The following TRPC5 variants were observed in gnomAD, a reference collection of about 807,000 sequenced individuals.
TRPC5 encodes the protein short transient receptor potential channel 5.
TRPC5 carries 9 observed loss-of-function variants against 56.5 expected under a neutral mutation model. The observed-to-expected ratio is 0.16, with a 90% CI of 0.10 to 0.28. The LOEUF (loss-of-function observed/expected upper bound fraction) is 0.28. Ranked by LOEUF, TRPC5 falls within the 10% of genes least tolerant of loss-of-function variation. TRPC5 has a pLI of 1.00. For synonymous variants in TRPC5, 282 were observed against 278.5 expected, an observed-to-expected ratio of 1.01 and a Z score of -0.13; for missense variants, 469 against 748.9, an observed-to-expected ratio of 0.63 and a Z score of 4.36.
chrX:111,897,236 T>G (rs1377046136), intron 3 of TRPC5, among the ~76,000 whole-genome samples: 1 of 111,516 alleles, frequency 9.0e-6, no homozygotes, highest in African/African-American at 3.3e-5. Context: ...ATACTCAACC[T>G]GTAATATAAG....
At chrX:111,780,651 A>G (rs745727208) in intron 9 of TRPC5, among the ~76,000 whole-genome samples, 2 of 110,935 alleles carry the variant, frequency 1.8e-5, no homozygotes, top group African/African-American at 3.3e-5. Context: ...CATGAATACT[A>G]TATTTTCTAT....
At chrX:112,000,913 T>G (rs935315116) in intron 1 of TRPC5, among the ~76,000 whole-genome samples, 1 of 112,164 alleles carries the variant, frequency 8.9e-6, no homozygotes, top group Non-Finnish European at 1.9e-5. Flanking sequence ...TGATAAATTC[T>G]GCCCTTTTGA....
intron 1 of TRPC5, among the ~76,000 whole-genome samples, chrX:112,040,937 C>T (rs927523705): frequency 4.5e-5 from 5 of 112,083 alleles, no homozygotes; most frequent in African/African-American, 1.6e-4. Flanking sequence ...ACAACATTAT[C>T]ACATTTGCTG....
At chrX:112,042,925 A>T (rs1179740487) in intron 1 of TRPC5, among the ~76,000 whole-genome samples, 1 of 110,915 alleles carries the variant, frequency 9.0e-6, no homozygotes, top group Non-Finnish European at 1.9e-5. Flanking sequence ...TTCCTGAACT[A>T]TTCTTGCCTC....
intron 1 of TRPC5, among the ~76,000 whole-genome samples, chrX:112,011,673 A>T (rs767522701): frequency 2.0e-4 from 22 of 111,357 alleles, no homozygotes; most frequent in Admixed American, 5.7e-4. Context: ...GAGTGGGGTC[A>T]GGTGGGTGGC....
In TRPC5 at chrX:111,776,035, C is replaced by T. The variant is rs1945874944; in HGVS notation, c.*278G>A. ...AGAAAAGCAAAGCAAAAAGGTTAAG[C>T]ACCCAACTGCACCTCTGATGATTAG... On this transcript the variant is annotated 3_prime_UTR_variant, in exon 11 of 11. Transcript: ENST00000262839. 1 of 244,439 alleles carries T rather than the reference C, an allele frequency of 4.1e-6. No homozygotes were observed. The allele number at this position is 244,439 out of a possible 1,213,427, so 20.1% of individuals were successfully genotyped here.
Position 111,952,391 on chromosome X carries a change from G to A in TRPC5, c.30C>T (p.Asn10=), listed in dbSNP as rs373664242. The A allele has an allele frequency of 5.0e-6, 6 of 1,206,501 alleles. No homozygotes were observed. The African/African-American group carries it at 7.0e-5, about 14-fold the overall frequency. MAQLYYKKV[N]YSPYRDRIPL... Reference sequence around the variant, plus strand: ...GGATGCGGTCTCTGTACGGTGAGTAGTTGACCTTTTTGTAGTACAGTTGGG... The same window carrying A: ...GGATGCGGTCTCTGTACGGTGAGTAATTGACCTTTTTGTAGTACAGTTGGG... Residue 10 remains asparagine, a synonymous_variant, in exon 2 of 11, where the codon AAC becomes AAT. Coordinates refer to ENST00000262839, the MANE Select transcript of TRPC5 (RefSeq NM_012471.3).
At chrX:111,782,841 A>ACACACACACACACACAC (rs55909429) in intron 7 of TRPC5, among the ~76,000 whole-genome samples, 2 of 108,910 alleles carry the variant, frequency 1.8e-5, no homozygotes, top group African/African-American at 6.7e-5. Flanking sequence ...ACACACACAC[A>ACACACACACACACACAC]TCAGTGTACA....
Position 111,926,065 on chromosome X carries a change from A to G in TRPC5, c.379-13253T>C, listed in dbSNP as rs185092816. On this transcript the variant is annotated intron_variant, in intron 2 of 10. Transcript: ENST00000262839. ...TGGACATTGCCAAATGTCTCCTGGGAGCACTATGGCCCTGGTTGGGTTCTG... is the reference window on the plus strand; with the variant it reads ...TGGACATTGCCAAATGTCTCCTGGGGGCACTATGGCCCTGGTTGGGTTCTG... Among the ~76,000 whole-genome samples, 556 of 112,219 alleles carry G rather than the reference A, an allele frequency of 5.0e-3. 5 individuals carry two copies. Among genetic ancestry groups the G allele is most frequent in the African/African-American group, 0.017 (530 of 30,919 alleles).
In TRPC5 at chrX:111,774,573, A is replaced by T. The variant is rs1329787738; in HGVS notation, c.*1740T>A. On this transcript the variant is annotated 3_prime_UTR_variant, in exon 11 of 11. Coordinates refer to ENST00000262839, the MANE Select transcript of TRPC5 (RefSeq NM_012471.3). ...GGTCTTGATGCAGCTTTTTCACTTG[A>T]TCACTTTTTCCTGGATATGAGGCTT... 9.0e-6 allele frequency: 1 copy of T among 110,994 alleles called. No homozygotes were observed. Among genetic ancestry groups the T allele is most frequent in the Non-Finnish European group, 1.9e-5 (1 of 52,961 alleles). The allele number at this position is 110,994 out of a possible 1,213,427, so 9.1% of individuals were successfully genotyped here. A position where few individuals can be genotyped will look rare whatever the true frequency, so the allele number is the denominator to read the frequency against.
intron 1 of TRPC5, among the ~76,000 whole-genome samples, chrX:111,999,060 A>G (rs752672391): frequency 9.0e-6 from 1 of 111,361 alleles, no homozygotes; most frequent in African/African-American, 3.3e-5. Context: ...CCCCACATAC[A>G]TTAGGTATTT....
At chrX:111,942,995 A>T (rs753682795) in intron 2 of TRPC5, among the ~76,000 whole-genome samples, 5 of 111,760 alleles carry the variant, frequency 4.5e-5, no homozygotes, top group South Asian at 3.8e-4. Context: ...CATGGCTTCA[A>T]CTAGTAGGAG....
chrX:111,775,505 T>C lies in TRPC5; in HGVS notation c.*808A>G, dbSNP rs1170554110. 4.5e-5 allele frequency: 5 copies of C among 112,150 alleles called. No homozygotes were observed. Among genetic ancestry groups the C allele is most frequent in the Non-Finnish European group, 1.9e-5 (1 of 53,286 alleles). The allele number at this position is 112,150 out of a possible 1,213,427, so 9.2% of individuals were successfully genotyped here. A position where few individuals can be genotyped will look rare whatever the true frequency, so the allele number is the denominator to read the frequency against. On this transcript the variant is annotated 3_prime_UTR_variant, in exon 11 of 11. Transcript: ENST00000262839. ...TTGGTTAGAGTGTAGTAGATGTTTTTAAAAAATAGCACAAATTCTAAATAC... is the reference window on the plus strand; with the variant it reads ...TTGGTTAGAGTGTAGTAGATGTTTTCAAAAAATAGCACAAATTCTAAATAC...
intron 3 of TRPC5, among the ~76,000 whole-genome samples, chrX:111,911,941 T>C (rs1425168381): frequency 8.9e-6 from 1 of 111,846 alleles, no homozygotes; most frequent in African/African-American, 3.2e-5. Context: ...TAGGTAATTA[T>C]GTATTCATTA....
intron 1 of TRPC5, among the ~76,000 whole-genome samples, chrX:111,967,108 A>G (rs1280297384): frequency 1.4e-4 from 16 of 111,788 alleles, no homozygotes; most frequent in South Asian, 1.1e-3. Flanking sequence ...ATCTCCTTAC[A>G]CTGATAAGCA....
intron 7 of TRPC5, among the ~76,000 whole-genome samples, chrX:111,791,332 A>G (rs1343521065): frequency 9.0e-6 from 1 of 111,716 alleles, no homozygotes; most frequent in East Asian, 2.8e-4. Flanking sequence ...CAGAGGAGAC[A>G]TGGAAGCAAA....
intron 3 of TRPC5, among the ~76,000 whole-genome samples, chrX:111,861,050 C>CA (rs1923391751): frequency 1.8e-5 from 2 of 111,872 alleles, no homozygotes; most frequent in African/African-American, 6.5e-5. Flanking sequence ...AAACCAAAAA[C>CA]CATTTATTAG....
intron 1 of TRPC5, among the ~76,000 whole-genome samples, chrX:112,061,673 T>C (rs778237390): frequency 8.9e-6 from 1 of 111,744 alleles, no homozygotes; most frequent in Admixed American, 9.5e-5. Flanking sequence ...TACACTTGTT[T>C]ACACACACAC....
intron 2 of TRPC5, among the ~76,000 whole-genome samples, chrX:111,927,139 T>C (rs991816140): frequency 5.4e-5 from 6 of 112,103 alleles, no homozygotes; most frequent in African/African-American, 1.6e-4. Flanking sequence ...TGATTTTTCA[T>C]TGTGGGGAGC....
Sources: allele counts gnomAD v4.1 joint callset (sites outside exome capture counted in the v4.1 genomes callset), GRCh38; gene constraint gnomAD v4.1.1; transcripts MANE v1.5; gene names NCBI Gene and HGNC (gene_info 2026-07-23, HGNC 2026-07-21).